AOX1: variants seen among roughly 807,000 people sequenced by gnomAD.
AOX1 encodes aldehyde oxidase.
A neutral mutation model predicts 169.5 loss-of-function variants in AOX1; 153 were observed. The ratio of observed to expected loss-of-function variants is 0.90; its 90% CI spans 0.79 to 1.03. The LOEUF (loss-of-function observed/expected upper bound fraction) is 1.03, where lower values mean the gene tolerates loss of function less well. Among genes scored for constraint, AOX1 ranks in the 50% least tolerant of loss-of-function variants. The probability of loss-of-function intolerance (pLI) is 0.00; values close to 1 mark genes in which losing one functional copy is unlikely to be tolerated. For missense variants in AOX1, 1,656 were observed against 1,663.9 expected, an observed-to-expected ratio of 1.00 and a Z score of 0.08; for synonymous variants, 562 against 581.9, an observed-to-expected ratio of 0.97 and a Z score of 0.49.
At chr2:200,671,745 T>C (rs1200678148), downstream of AOX1, among the ~76,000 whole-genome samples, 1 of 152,132 alleles carries the variant, frequency 6.6e-6, no homozygotes, top group Non-Finnish European at 1.5e-5. Flanking sequence ...GAAAATAGTT[T>C]AGCATTTCCT....
chr2:200,593,090 C>T (rs2034208156), intron 1 of AOX1, 56 bp from the exon 2 acceptor site: 2 of 1,305,648 alleles, frequency 1.5e-6, no homozygotes, highest in Non-Finnish European at 2.2e-6. Flanking sequence ...GTGATCCTAC[C>T]AATGTGAATT....
At chr2:200,621,503 G>A (rs925816908) in intron 18 of AOX1, among the ~76,000 whole-genome samples, 2 of 152,054 alleles carry the variant, frequency 1.3e-5, no homozygotes, top group Non-Finnish European at 2.9e-5. Flanking sequence ...ACTGCTAATG[G>A]TATAAATGAG....
intron 32 of AOX1, among the ~76,000 whole-genome samples, chr2:200,668,291 T>C (rs2035960304): frequency 6.6e-6 from 1 of 151,996 alleles, no homozygotes; most frequent in Non-Finnish European, 1.5e-5. Context: ...GTATTTTTAG[T>C]AGAGACGGGA....
chr2:200,630,210 T>TAAAAAAAAAAAAAAAAAAAAAAA (rs57410809), intron 20 of AOX1, among the ~76,000 whole-genome samples: 8 of 95,528 alleles, frequency 8.4e-5, no homozygotes, highest in African/African-American at 3.7e-4. Flanking sequence ...TCCTTCTATT[T>TAAAAAAAAAAAAAAAAAAAAAAA]AAAAAAAAAA....
chr2:200,617,431 AG>A (rs2034784808), intron 16 of AOX1, among the ~76,000 whole-genome samples: 1 of 146,074 alleles, frequency 6.8e-6, no homozygotes, highest in Non-Finnish European at 1.5e-5. Context: ...AAGCAGAAGC[AG>A]GTAATTGAGG....
intron 5 of AOX1, among the ~76,000 whole-genome samples, chr2:200,600,233 A>C (rs1235896520): frequency 6.6e-6 from 1 of 152,154 alleles, no homozygotes; most frequent in African/African-American, 2.4e-5. Flanking sequence ...ATAATCATTA[A>C]AAAGCCAGTT....
chr2:200,654,250 AC>A (rs1323898811), intron 26 of AOX1, among the ~76,000 whole-genome samples: 3 of 150,676 alleles, frequency 2.0e-5, no homozygotes, highest in Non-Finnish European at 4.4e-5. Context: ...AGAAATTGTT[AC>A]AACTACCTCC....
At chr2:200,614,964 C>T (rs965329548) in intron 15 of AOX1, among the ~76,000 whole-genome samples, 30 of 151,994 alleles carry the variant, frequency 2.0e-4, no homozygotes, top group African/African-American at 7.0e-4. Flanking sequence ...GCCTTGTAGT[C>T]TTATACCCCT....
chr2:200,600,648 C>T (rs982104872), intron 5 of AOX1, among the ~76,000 whole-genome samples: 2 of 152,128 alleles, frequency 1.3e-5, no homozygotes, highest in African/African-American at 4.8e-5. Flanking sequence ...TGTACACTTA[C>T]TCTGCAAAAA....
intron 27 of AOX1, among the ~76,000 whole-genome samples, chr2:200,657,182 ATATATATATTT>A (rs1308653549): frequency 1.5e-5 from 1 of 66,520 alleles, no homozygotes; most frequent in Non-Finnish European, 2.8e-5. Flanking sequence ...ATATATATAT[ATATATATATTT>A]TTTTTTTTTT....
At position 200,662,842 on chromosome 2, in the gene AOX1, C is replaced by T. The variant is rs772591802; in HGVS notation, c.3429-13C>T. ...GGACGTGATCACTTAACAACACTCACTGTTTCTTCCAGAGGTTATGAGTCA... is the reference window on the plus strand; with the variant it reads ...GGACGTGATCACTTAACAACACTCATTGTTTCTTCCAGAGGTTATGAGTCA... On this transcript the variant is annotated splice_polypyrimidine_tract_variant and intron_variant, in intron 30 of 34. Transcript: ENST00000374700. 1.2e-6 allele frequency: 2 copies of T among 1,607,890 alleles called. No individual in the cohort carries two copies. Among genetic ancestry groups the T allele is most frequent in the East Asian group, 4.5e-5 (2 of 44,848 alleles).
intron 5 of AOX1, among the ~76,000 whole-genome samples, chr2:200,600,033 C>T (rs1048408882): frequency 6.6e-6 from 1 of 152,070 alleles, no homozygotes; most frequent in Non-Finnish European, 1.5e-5. Flanking sequence ...ATTTGATCCT[C>T]ACAAAAAATT....
intron 26 of AOX1, among the ~76,000 whole-genome samples, chr2:200,655,230 C>A (rs374637344): frequency 1.3e-5 from 2 of 152,186 alleles, no homozygotes; most frequent in Non-Finnish European, 2.9e-5. Context: ...TTCCTTAGGA[C>A]GTGATCCTTC....
intron 18 of AOX1, among the ~76,000 whole-genome samples, chr2:200,623,539 G>A (rs974381236): frequency 6.6e-6 from 1 of 152,218 alleles, no homozygotes; most frequent in African/African-American, 2.4e-5. Context: ...TCTGATTGTC[G>A]TGTGACAGCC....
In AOX1 at chr2:200,593,960, A is replaced by AACTCC. The variant is rs1184923680; in HGVS notation, c.103+760_103+764dup. Among the ~76,000 whole-genome samples the AACTCC allele has an allele frequency of 2.0e-5, 3 of 152,314 alleles. No individual in the cohort carries two copies. In the East Asian group the frequency reaches 5.8e-4, roughly 29 times the overall value. ...GTTTGGTTCACTATGAGTGACAGAA[A>AACTCC]ACTCCACCTCATGGTAAACAAGATA... is the stretch of plus-strand genomic sequence containing the variant. On this transcript the variant is annotated intron_variant, in intron 2 of 34. Coordinates refer to ENST00000374700, the MANE Select transcript of AOX1 (RefSeq NM_001159.4).
chr2:200,660,004 C>T lies in AOX1; in HGVS notation c.3310C>T (p.Gln1104Ter). 1 of 1,612,988 alleles carries T rather than the reference C, an allele frequency of 6.2e-7. No individual in the cohort carries two copies. The highest frequency in any genetic ancestry group is 8.5e-7 in the Non-Finnish European group (1 of 1,179,334). Residue 1104 changes from glutamine (Q) to a stop codon, truncating the protein, a stop_gained, in exon 29 of 35, where the codon CAA becomes TAA. Coordinates refer to ENST00000374700, the MANE Select transcript of AOX1 (RefSeq NM_001159.4). LOFTEE classifies it high-confidence loss of function. The part of the protein sequence containing the change: ...LNGLAVKDAC[Q>*]TLLKRLEPII... ...TAAAAATAATCTCTAGGATGCCTGT[C>T]AAACTCTTCTAAAACGCCTCGAACC...
intron 20 of AOX1, among the ~76,000 whole-genome samples, chr2:200,634,262 A>C (rs537587860): frequency 1.6e-3 from 233 of 150,110 alleles, no homozygotes; most frequent in African/African-American, 5.5e-3. Flanking sequence ...GGCAAACAAC[A>C]ACAACAACAA....
At chr2:200,595,490 A>G (rs1348206740) in intron 3 of AOX1, 122 bp downstream of exon 3, 6 of 574,040 alleles carry the variant, frequency 1.0e-5, no homozygotes, top group East Asian at 9.5e-5. Flanking sequence ...CACTTGGCGT[A>G]CAATGATGAA....
intron 27 of AOX1, among the ~76,000 whole-genome samples, chr2:200,657,190 AT>A (rs5837752): frequency 0.12 from 7,515 of 62,760 alleles, 551 homozygotes; most frequent in South Asian, 0.15. Context: ...ATATATATAT[AT>A]TTTTTTTTTT....
Sources: gnomAD v4.1 joint callset for allele counts (sites outside exome capture counted in the v4.1 genomes callset) on GRCh38, gnomAD v4.1.1 for gene constraint, MANE v1.5 for transcripts, NCBI Gene and HGNC (gene_info 2026-07-23, HGNC 2026-07-21) for gene names.